PLEKHB2: variants seen among roughly 807,000 people sequenced by gnomAD.
PLEKHB2 encodes pleckstrin homology domain-containing family B member 2.
A neutral mutation model predicts 36.5 loss-of-function variants in PLEKHB2; 31 were observed. The ratio of observed to expected loss-of-function variants is 0.85; its 90% CI spans 0.64 to 1.15. PLEKHB2 has a LOEUF of 1.15. Among genes scored for constraint, PLEKHB2 ranks in the 50% most tolerant of loss-of-function variants. PLEKHB2 has a pLI of 0.00. For missense variants in PLEKHB2, 262 were observed against 295.3 expected (o/e 0.89, Z 0.83); for synonymous variants, 119 against 112.0 (o/e 1.06, Z -0.39).
At chr2:131,121,393 C>A (rs1004013911) in intron 2 of PLEKHB2, among the ~76,000 whole-genome samples, 1 of 152,110 alleles carries the variant, frequency 6.6e-6, no homozygotes, top group African/African-American at 2.4e-5. Context: ...GGATCACAGG[C>A]ACACACCACC....
chr2:131,127,870 G>T (rs1454414692), intron 4 of PLEKHB2, among the ~76,000 whole-genome samples: 2 of 152,168 alleles, frequency 1.3e-5, no homozygotes. Flanking sequence ...TTAAGAATGT[G>T]ATGTCCTTGG....
intron 4 of PLEKHB2, 44 bp from the exon 5 acceptor site, chr2:131,130,677 A>T (rs771554377): frequency 7.1e-7 from 1 of 1,400,590 alleles, no homozygotes; most frequent in Non-Finnish European, 1.0e-6. Context: ...AATCATTGCA[A>T]TGTTGGATTG....
Position 131,120,567 on chromosome 2 carries a change from C to T in PLEKHB2, c.-8-367C>T. On this transcript the variant is annotated intron_variant, in intron 1 of 7. Transcript: ENST00000693505. Reference sequence around the variant, plus strand: ...GCACCCCTGCCTGGGCCATGTGGACCCCACTGGGAACGCCAAATGTAGGCA... The same window carrying T: ...GCACCCCTGCCTGGGCCATGTGGACTCCACTGGGAACGCCAAATGTAGGCA... The T allele has an allele frequency of 9.4e-6, 3 of 319,062 alleles. No individual in the cohort carries two copies. The South Asian group carries it at 1.0e-4, about 11-fold the overall frequency. 19.8% of individuals were successfully genotyped at this position (319,062 alleles called of 1,614,324 possible). A position where few individuals can be genotyped will look rare whatever the true frequency, so the allele number is the denominator to read the frequency against.
chr2:131,105,876 C>G (rs1381518785), intron 1 of PLEKHB2, among the ~76,000 whole-genome samples: 1 of 152,210 alleles, frequency 6.6e-6, no homozygotes. Context: ...CGTCCGATCT[C>G]TACCCCTGCT....
intron 7 of PLEKHB2, among the ~76,000 whole-genome samples, chr2:131,141,121 C>T (rs1489111276): frequency 6.6e-6 from 1 of 152,120 alleles, no homozygotes; most frequent in Non-Finnish European, 1.5e-5. Flanking sequence ...CCAGAGAAGT[C>T]AAGGAGGCCT....
In PLEKHB2 at chr2:131,117,716, C is replaced by T. The variant is rs7601301; in HGVS notation, c.-8-3218C>T. On this transcript the variant is annotated intron_variant, in intron 1 of 7. Transcript: ENST00000693505. ...TGACGTGAATGCGTACGTGCTTTGC[C>T]CTCTCATTTTTTTGTGTTCTGGGTT... Among the ~76,000 whole-genome samples the T allele has an allele frequency of 6.8e-3, 1,026 of 151,650 alleles. 18 individuals are homozygous for T. The highest frequency in any genetic ancestry group is 0.023 in the African/African-American group (957 of 41,144).
In PLEKHB2 at chr2:131,119,938, C is replaced by A. The variant is rs780149824; in HGVS notation, c.-8-996C>A. Among the ~76,000 whole-genome samples, 58 of 150,222 alleles carry A rather than the reference C, an allele frequency of 3.9e-4. No homozygotes were observed. The Middle Eastern group carries it at 0.017, about 45-fold the overall frequency. On this transcript the variant is annotated intron_variant, in intron 1 of 7. Transcript: ENST00000693505. The stretch of plus-strand genomic sequence containing the variant: ...GTAAGTGAAGGAAATAAGCTCCTTG[C>A]TGCCATATGGTTATGAATATTTCTT...
intron 4 of PLEKHB2, among the ~76,000 whole-genome samples, chr2:131,128,390 G>C (rs1697312324): frequency 6.6e-6 from 1 of 152,152 alleles, no homozygotes; most frequent in African/African-American, 2.4e-5. Context: ...TAGAGTGGAG[G>C]AAAATAAAAC....
intron 6 of PLEKHB2, among the ~76,000 whole-genome samples, chr2:131,134,779 T>C (rs1698064939): frequency 6.6e-6 from 1 of 152,250 alleles, no homozygotes; most frequent in Admixed American, 6.5e-5. Context: ...TTGCAGGAAT[T>C]GCCTTAAACC....
At chr2:131,121,806 C>G (rs919928676) in intron 2 of PLEKHB2, among the ~76,000 whole-genome samples, 24 of 152,164 alleles carry the variant, frequency 1.6e-4, no homozygotes, top group African/African-American at 5.5e-4. Context: ...GGATTGAGAT[C>G]CACTTTCCTA....
intron 7 of PLEKHB2, among the ~76,000 whole-genome samples, chr2:131,143,200 A>G (rs576640889): frequency 1.7e-4 from 26 of 152,282 alleles, no homozygotes; most frequent in African/African-American, 6.0e-4. Context: ...ATGCATTTTG[A>G]CTATGATGTT....
chr2:131,145,628 C>A (rs1699207504), intron 7 of PLEKHB2, among the ~76,000 whole-genome samples: 1 of 152,166 alleles, frequency 6.6e-6, no homozygotes, highest in South Asian at 2.1e-4. Context: ...AGCCATCAAG[C>A]CTGGCCAGCC....
intron 1 of PLEKHB2, chr2:131,120,725 C>G (rs570962801): frequency 5.6e-5 from 35 of 629,860 alleles, no homozygotes; most frequent in Non-Finnish European, 1.0e-4. Context: ...AGGCTGAAGG[C>G]GAGTGTGGGA....
At chr2:131,110,299 C>T (rs1019857844) in intron 1 of PLEKHB2, among the ~76,000 whole-genome samples, 2 of 151,454 alleles carry the variant, frequency 1.3e-5, no homozygotes, top group South Asian at 2.1e-4. Flanking sequence ...AGTACTCGGT[C>T]CTGCTCCAGT....
At chr2:131,141,162 AGTT>A (rs931985939) in intron 7 of PLEKHB2, among the ~76,000 whole-genome samples, 11 of 152,168 alleles carry the variant, frequency 7.2e-5, no homozygotes, top group Non-Finnish European at 1.3e-4. Flanking sequence ...GTGTCCTTGT[AGTT>A]GTTGGTGGTT....
intron 5 of PLEKHB2, among the ~76,000 whole-genome samples, chr2:131,132,668 C>A (rs1697827963): frequency 6.6e-6 from 1 of 152,142 alleles, no homozygotes; most frequent in Admixed American, 6.5e-5. Context: ...GCTGTGAGAG[C>A]TGTAGTCCTG....
intron 1 of PLEKHB2, among the ~76,000 whole-genome samples, chr2:131,105,664 C>G (rs367860816): frequency 1.3e-5 from 2 of 152,108 alleles, no homozygotes; most frequent in African/African-American, 4.8e-5. Context: ...CCCAGTGGGC[C>G]CCCCCGGCCT....
intron 1 of PLEKHB2, chr2:131,120,501 G>A (rs983418181): frequency 5.6e-6 from 1 of 179,048 alleles, no homozygotes. Flanking sequence ...TTTTTGCCCT[G>A]ACCTGGCCAC....
intron 1 of PLEKHB2, among the ~76,000 whole-genome samples, chr2:131,110,928 T>C (rs554185724): frequency 1.3e-5 from 2 of 152,320 alleles, no homozygotes; most frequent in East Asian, 3.9e-4. Context: ...AAATGTGTTA[T>C]CCTGTTGCAG....
Sources: allele counts gnomAD v4.1 joint callset (sites outside exome capture counted in the v4.1 genomes callset), GRCh38; gene constraint gnomAD v4.1.1; transcripts MANE v1.5; gene names NCBI Gene and HGNC (gene_info 2026-07-23, HGNC 2026-07-21).